MACROD2: variants seen among roughly 807,000 people sequenced by gnomAD.
MACROD2 encodes mono-ADP ribosylhydrolase 2, also known as ADP-ribose glycohydrolase MACROD2.
In MACROD2, 36 loss-of-function variants were observed where a neutral mutation model predicts 70.4. The ratio of observed to expected loss-of-function variants is 0.51; its 90% CI spans 0.39 to 0.68. The LOEUF (loss-of-function observed/expected upper bound fraction) is 0.68. MACROD2 is among the 30% of genes least tolerant of loss of function. The pLI is 0.00. For missense variants in MACROD2, 496 were observed against 538.4 expected (o/e 0.92, Z 0.78); for synonymous variants, 172 against 178.8 (o/e 0.96, Z 0.30).
chr20:14,502,701 G>T (rs1350028179), intron 4 of MACROD2, among the ~76,000 whole-genome samples: 2 of 152,156 alleles, frequency 1.3e-5, no homozygotes, highest in East Asian at 3.8e-4. Flanking sequence ...TATGGTGATG[G>T]TGTATCCAAA....
intron 7 of MACROD2, among the ~76,000 whole-genome samples, chr20:15,480,386 C>A (rs992470000): frequency 1.3e-5 from 2 of 152,210 alleles, no homozygotes; most frequent in East Asian, 3.8e-4. Flanking sequence ...CTGACAGAAC[C>A]TGGGATTCTG....
chr20:14,623,936 G>A (rs1345437328), intron 4 of MACROD2, among the ~76,000 whole-genome samples: 1 of 152,216 alleles, frequency 6.6e-6, no homozygotes, highest in Non-Finnish European at 1.5e-5. Flanking sequence ...AGGAGGAACA[G>A]AAGCACTTCA....
chr20:15,808,001 T>C (rs2063784614), intron 8 of MACROD2, among the ~76,000 whole-genome samples: 1 of 152,142 alleles, frequency 6.6e-6, no homozygotes, highest in African/African-American at 2.4e-5. Context: ...ACTGTGAGGA[T>C]CCCTGTCCTG....
intron 4 of MACROD2, among the ~76,000 whole-genome samples, chr20:14,682,412 T>C (rs2070943561): frequency 6.6e-6 from 1 of 150,650 alleles, no homozygotes. Context: ...CATATATATA[T>C]GTGTGTGTGC....
intron 8 of MACROD2, among the ~76,000 whole-genome samples, chr20:15,789,348 C>T (rs77544675): frequency 0.029 from 4,449 of 152,230 alleles, 245 homozygotes; most frequent in African/African-American, 0.1. Context: ...CATTTAATTA[C>T]GGCGGCACAT....
chr20:14,787,088 G>T lies in MACROD2; in HGVS notation c.418+102129G>T, dbSNP rs1003478659. Among the ~76,000 whole-genome samples, 9 of 151,992 alleles carry T rather than the reference G, an allele frequency of 5.9e-5. No individual in the cohort carries two copies. The East Asian group carries it at 1.5e-3, about 26-fold the overall frequency. On this transcript the variant is annotated intron_variant, in intron 5 of 17. Transcript: ENST00000684519. The stretch of plus-strand genomic sequence containing the variant: ...ACATAATGATGATCATTGCTACCAA[G>T]AATTTATTTATTTCTCATTTTTGAT...
chr20:15,714,142 A>C (rs752642361), intron 8 of MACROD2, among the ~76,000 whole-genome samples: 12 of 152,092 alleles, frequency 7.9e-5, no homozygotes, highest in Non-Finnish European at 1.5e-4. Flanking sequence ...TAACCAACCA[A>C]ACAAGCAAAC....
At chr20:14,888,661 G>C (rs148807110) in intron 5 of MACROD2, 156 of 152,306 alleles carry the variant, frequency 1.0e-3, no homozygotes, top group African/African-American at 3.6e-3. Context: ...GTCAGTGTGA[G>C]TCACTTATCC....
intron 5 of MACROD2, among the ~76,000 whole-genome samples, chr20:14,806,235 C>T (rs758401567): frequency 1.3e-5 from 2 of 152,048 alleles, no homozygotes; most frequent in African/African-American, 2.4e-5. Flanking sequence ...GTGATTTCTG[C>T]ATTTCCAACT....
chr20:14,066,046 T>C (rs1453882538), intron 2 of MACROD2, among the ~76,000 whole-genome samples: 1 of 152,044 alleles, frequency 6.6e-6, no homozygotes, highest in African/African-American at 2.4e-5. Flanking sequence ...TGGATTACAT[T>C]TTTTTTTCTT....
At chr20:14,448,934 C>T (rs979126733) in intron 3 of MACROD2, among the ~76,000 whole-genome samples, 6 of 151,944 alleles carry the variant, frequency 3.9e-5, no homozygotes, top group South Asian at 2.1e-4. Flanking sequence ...GAGGATTGAT[C>T]GGTATGTACC....
At chr20:15,514,686 A>G (rs949348025) in intron 8 of MACROD2, among the ~76,000 whole-genome samples, 2 of 152,234 alleles carry the variant, frequency 1.3e-5, no homozygotes, top group Admixed American at 6.5e-5. Flanking sequence ...TGAAGTATTG[A>G]GTGCTTCCTT....
At position 15,935,138 on chromosome 20, in the gene MACROD2, A is replaced by G. The variant is rs112042069; in HGVS notation, c.838+1800A>G. Among the ~76,000 whole-genome samples the G allele has an allele frequency of 9.1e-3, 1,383 of 152,218 alleles. 20 individuals carry two copies. Among genetic ancestry groups the G allele is most frequent in the African/African-American group, 0.031 (1,303 of 41,524 alleles). ...TTGATTTATTCATCTTTTCCCTTTA[A>G]CCAGTTGAGAACAAGTAGTTTGTAG... On this transcript the variant is annotated intron_variant, in intron 11 of 17. Transcript: ENST00000684519.
chr20:14,041,099 A>C (rs1251695071), intron 2 of MACROD2, among the ~76,000 whole-genome samples: 1 of 152,202 alleles, frequency 6.6e-6, no homozygotes, highest in Admixed American at 6.5e-5. Flanking sequence ...TTTCTCATCC[A>C]AACATTTTTA....
At chr20:14,428,685 G>C (rs373397107) in intron 3 of MACROD2, among the ~76,000 whole-genome samples, 7 of 152,114 alleles carry the variant, frequency 4.6e-5, no homozygotes, top group Admixed American at 1.3e-4. Context: ...TGCCAGTAAG[G>C]GTTGCTTAGA....
In MACROD2 at chr20:14,872,138, G is replaced by C. The variant is rs1385317916; in HGVS notation, c.418+187179G>C. On this transcript the variant is annotated intron_variant, in intron 5 of 17. Coordinates refer to ENST00000684519, the MANE Select transcript of MACROD2 (RefSeq NM_001351661.2). ...GAGACAAAATTAACAAAGATATTCAGATCTGAACTCATTACTGGATCAAAT... is the reference window on the plus strand; with the variant it reads ...GAGACAAAATTAACAAAGATATTCACATCTGAACTCATTACTGGATCAAAT... Among the ~76,000 whole-genome samples, 5 of 152,046 alleles carry C rather than the reference G, an allele frequency of 3.3e-5. No homozygotes were observed. In the South Asian group the frequency reaches 1.0e-3, roughly 32 times the overall value.
intron 4 of MACROD2, among the ~76,000 whole-genome samples, chr20:14,658,284 G>C (rs183013806): frequency 1.3e-5 from 2 of 152,066 alleles, no homozygotes; most frequent in Non-Finnish European, 2.9e-5. Context: ...GGAAAAATCA[G>C]GTTTAGCCAT....
chr20:15,234,375 G>T (rs1208175003), intron 6 of MACROD2, among the ~76,000 whole-genome samples: 1 of 151,814 alleles, frequency 6.6e-6, no homozygotes, highest in East Asian at 1.9e-4. Flanking sequence ...TTGATTGCAA[G>T]ATAGGCAAAA....
chr20:14,725,238 G>A (rs138604206), intron 5 of MACROD2, among the ~76,000 whole-genome samples: 45 of 152,298 alleles, frequency 3.0e-4, no homozygotes, highest in African/African-American at 9.6e-4. Flanking sequence ...AGCTACTTCA[G>A]GGTATTAAGT....
Sources: gnomAD v4.1 joint callset for allele counts (sites outside exome capture counted in the v4.1 genomes callset) on GRCh38, gnomAD v4.1.1 for gene constraint, MANE v1.5 for transcripts, NCBI Gene and HGNC (gene_info 2026-07-23, HGNC 2026-07-21) for gene names.